The following PTPRK variants were observed in gnomAD, a reference collection of about 807,000 sequenced individuals.
PTPRK encodes the protein receptor-type tyrosine-protein phosphatase kappa.
PTPRK carries 75 observed loss-of-function variants against 178.0 expected under a neutral mutation model. That is an observed-to-expected ratio of 0.42 (90% CI 0.35 to 0.51). The LOEUF (loss-of-function observed/expected upper bound fraction) is 0.51. PTPRK is among the 20% of genes least tolerant of loss of function. The pLI is 0.02. For synonymous variants in PTPRK, 637 were observed against 620.6 expected, an observed-to-expected ratio of 1.03 and a Z score of -0.39; for missense variants, 1,441 against 1,797.8, an observed-to-expected ratio of 0.80 and a Z score of 3.59.
At chr6:128,200,842 G>C (rs1320752800) in intron 6 of PTPRK, among the ~76,000 whole-genome samples, 1 of 137,708 alleles carries the variant, frequency 7.3e-6, no homozygotes, top group Non-Finnish European at 1.6e-5. Context: ...GAAGGATGAG[G>C]AGGAGGGGGG....
At chr6:128,031,182 T>C (rs556542018) in intron 13 of PTPRK, among the ~76,000 whole-genome samples, 8 of 152,330 alleles carry the variant, frequency 5.3e-5, no homozygotes, top group African/African-American at 1.4e-4. Context: ...TCTGACTTCA[T>C]TTTGCCCCAC....
At chr6:128,366,333 T>C (rs1835477479) in intron 2 of PTPRK, among the ~76,000 whole-genome samples, 1 of 152,174 alleles carries the variant, frequency 6.6e-6, no homozygotes, top group Non-Finnish European at 1.5e-5. Flanking sequence ...TTAAAACCTT[T>C]AAACTCTAAA....
At chr6:128,418,836 T>G (rs946063612) in intron 1 of PTPRK, among the ~76,000 whole-genome samples, 1 of 152,186 alleles carries the variant, frequency 6.6e-6, no homozygotes, top group Non-Finnish European at 1.5e-5. Context: ...AACCACCTTC[T>G]TGTCTATATC....
intron 1 of PTPRK, among the ~76,000 whole-genome samples, chr6:128,424,847 T>C (rs2128389338): frequency 6.6e-6 from 1 of 152,210 alleles, no homozygotes; most frequent in African/African-American, 2.4e-5. Context: ...TATGTTAAAA[T>C]GTGAAAAAAA....
chr6:128,381,485 C>T (rs978993335), intron 2 of PTPRK, among the ~76,000 whole-genome samples: 10 of 151,802 alleles, frequency 6.6e-5, no homozygotes, highest in African/African-American at 1.9e-4. Flanking sequence ...TTATTCCTTG[C>T]TTTTAAAAAA....
At chr6:128,505,768 C>T (rs1585006428) in intron 1 of PTPRK, among the ~76,000 whole-genome samples, 1 of 152,286 alleles carries the variant, frequency 6.6e-6, no homozygotes, top group South Asian at 2.1e-4. Flanking sequence ...TCGAGTCTAA[C>T]ATAAAATCCT....
At chr6:128,105,082 T>C (rs2114292797) in intron 7 of PTPRK, among the ~76,000 whole-genome samples, 1 of 152,246 alleles carries the variant, frequency 6.6e-6, no homozygotes, top group East Asian at 1.9e-4. Context: ...TTTTCTCAAC[T>C]AGAGAGCAAG....
At chr6:128,352,415 T>G (rs146330750) in intron 2 of PTPRK, among the ~76,000 whole-genome samples, 148,001 of 152,228 alleles carry the variant, frequency 0.97, 72,070 homozygotes, top group South Asian at 1. Flanking sequence ...CAACTACCTC[T>G]AGTTGCAGAT....
chr6:128,230,052 G>T (rs983295474), intron 5 of PTPRK, among the ~76,000 whole-genome samples: 1 of 152,148 alleles, frequency 6.6e-6, no homozygotes, highest in African/African-American at 2.4e-5. Context: ...AGACTGACAA[G>T]ATCACAAAAA....
intron 2 of PTPRK, among the ~76,000 whole-genome samples, chr6:128,371,393 A>G (rs1584404201): frequency 6.6e-6 from 1 of 152,322 alleles, no homozygotes; most frequent in Admixed American, 6.5e-5. Context: ...TATTCTCATA[A>G]AAAGGTTTAA....
chr6:128,264,362 A>G (rs1285604426), intron 3 of PTPRK, among the ~76,000 whole-genome samples: 1 of 152,218 alleles, frequency 6.6e-6, no homozygotes, highest in African/African-American at 2.4e-5. Flanking sequence ...CTAGGTAAGC[A>G]TTTTGCCATC....
chr6:128,057,568 T>G (rs148826935), intron 13 of PTPRK, among the ~76,000 whole-genome samples: 2 of 152,336 alleles, frequency 1.3e-5, no homozygotes, highest in African/African-American at 4.8e-5. Flanking sequence ...GCATTTCACA[T>G]GTGCTGTCCC....
intron 3 of PTPRK, among the ~76,000 whole-genome samples, chr6:128,295,530 G>A (rs1380167110): frequency 6.6e-6 from 1 of 152,088 alleles, no homozygotes; most frequent in Non-Finnish European, 1.5e-5. Context: ...TGTAAAAGAT[G>A]CAGCAATGTC....
At chr6:128,478,262 A>C (rs1209999162) in intron 1 of PTPRK, among the ~76,000 whole-genome samples, 1 of 152,138 alleles carries the variant, frequency 6.6e-6, no homozygotes, top group East Asian at 1.9e-4. Flanking sequence ...TTCTGATAGA[A>C]TACCAGCAAA....
At chr6:128,340,650 T>C (rs561032538) in intron 2 of PTPRK, 2 of 298,396 alleles carry the variant, frequency 6.7e-6, no homozygotes, top group South Asian at 6.4e-5. Context: ...ATACAACACA[T>C]GTATAAAATC....
chr6:128,390,076 AT>A (rs1839338346), intron 2 of PTPRK, among the ~76,000 whole-genome samples: 1 of 152,128 alleles, frequency 6.6e-6, no homozygotes, highest in South Asian at 2.1e-4. Context: ...AAAAGCATCA[AT>A]AGACAGATGA....
chr6:128,380,815 C>T (rs181768339), intron 2 of PTPRK, among the ~76,000 whole-genome samples: 37 of 152,256 alleles, frequency 2.4e-4, no homozygotes, highest in African/African-American at 8.4e-4. Flanking sequence ...AACAAGAATT[C>T]GTAGCTAACA....
chr6:128,035,899 G>C (rs1459422110), intron 13 of PTPRK, among the ~76,000 whole-genome samples: 2 of 152,190 alleles, frequency 1.3e-5, no homozygotes, highest in Non-Finnish European at 2.9e-5. Context: ...TCTCAGAATA[G>C]TGGCAAACAT....
At position 128,237,558 on chromosome 6, in the gene PTPRK, T is replaced by A. The variant is rs540625214; in HGVS notation, c.693+2477A>T. ...AATAACGTAAAGACCTAGTTTAGCA[T>A]CTTACAGCTGGAAGGGATTTTAGTG... On this transcript the variant is annotated intron_variant, in intron 5 of 29. Transcript: ENST00000368226. 4.6e-5 allele frequency among the ~76,000 whole-genome samples: 7 copies of A among 152,332 alleles called. No individual in the cohort carries two copies. In the South Asian group the frequency reaches 1.2e-3, roughly 27 times the overall value.
Sources: gnomAD v4.1 joint callset for allele counts (sites outside exome capture counted in the v4.1 genomes callset) on GRCh38, gnomAD v4.1.1 for gene constraint, MANE v1.5 for transcripts, NCBI Gene and HGNC (gene_info 2026-07-23, HGNC 2026-07-21) for gene names.